NLGN1: variants seen among roughly 807,000 people sequenced by gnomAD.
The protein encoded by NLGN1 is neuroligin-1.
In NLGN1, 12 loss-of-function variants were observed where a neutral mutation model predicts 65.5. The observed-to-expected ratio is 0.18, with a 90% CI of 0.12 to 0.30. The LOEUF (loss-of-function observed/expected upper bound fraction) is 0.30. NLGN1 is among the 10% of genes least tolerant of loss of function. NLGN1 has a pLI of 1.00. For missense variants in NLGN1, 750 were observed against 1,007.1 expected (o/e 0.74, Z 3.46); for synonymous variants, 350 against 359.5 (o/e 0.97, Z 0.30).
At chr3:174,044,134 T>A (rs888374376) in intron 4 of NLGN1, among the ~76,000 whole-genome samples, 1 of 151,428 alleles carries the variant, frequency 6.6e-6, no homozygotes, top group African/African-American at 2.4e-5. Context: ...GGGCATCAAG[T>A]CCTGAGACTA....
intron 4 of NLGN1, among the ~76,000 whole-genome samples, chr3:174,217,360 G>C (rs530707430): frequency 1.3e-5 from 2 of 152,104 alleles, no homozygotes; most frequent in African/African-American, 4.8e-5. Context: ...GTAATGGGCT[G>C]TCCTAGTCAG....
chr3:173,734,297 CTG>C (rs1773356501), intron 3 of NLGN1, among the ~76,000 whole-genome samples: 1 of 148,502 alleles, frequency 6.7e-6, no homozygotes, highest in Admixed American at 6.7e-5. Context: ...ATAATAAACA[CTG>C]TATATTCCTA....
intron 4 of NLGN1, among the ~76,000 whole-genome samples, chr3:174,026,463 A>G (rs929987792): frequency 1.4e-4 from 21 of 152,184 alleles, no homozygotes; most frequent in African/African-American, 4.8e-4. Context: ...CTACATATAC[A>G]TAGAGTCATA....
At chr3:174,088,057 G>A (rs1743755731) in intron 4 of NLGN1, among the ~76,000 whole-genome samples, 1 of 152,186 alleles carries the variant, frequency 6.6e-6, no homozygotes, top group African/African-American at 2.4e-5. Context: ...GCGTATATAT[G>A]CTAATATTAC....
chr3:174,167,066 AG>A (rs922178222), intron 4 of NLGN1, among the ~76,000 whole-genome samples: 1 of 152,006 alleles, frequency 6.6e-6, no homozygotes, highest in Non-Finnish European at 1.5e-5. Flanking sequence ...CATTGAGTCC[AG>A]GGGTTGTCAT....
rs1740765723 is a variant in NLGN1, at chr3:173,551,016, T to TTTC, written c.-320-53261_-320-53259dup. On this transcript the variant is annotated intron_variant, in intron 2 of 6. Transcript: ENST00000457714. ...AAATATTTTTACAAATCTAAGCAGA[T>TTTC]TTCTGCCTTTACTGCATTATCACCT... 2.0e-5 allele frequency among the ~76,000 whole-genome samples: 3 copies of TTTC among 152,206 alleles called. No individual in the cohort carries two copies. In the South Asian group the frequency reaches 6.2e-4, roughly 31 times the overall value.
intron 4 of NLGN1, among the ~76,000 whole-genome samples, chr3:174,049,109 G>A (rs1338076509): frequency 6.6e-6 from 1 of 151,998 alleles, no homozygotes; most frequent in Non-Finnish European, 1.5e-5. Context: ...AAAGAAGGGA[G>A]GAGGAGTAAA....
intron 1 of NLGN1, among the ~76,000 whole-genome samples, chr3:173,410,455 A>T (rs955578234): frequency 6.6e-6 from 1 of 152,178 alleles, no homozygotes; most frequent in African/African-American, 2.4e-5. Context: ...GTCCTTCTTT[A>T]TTCACCTGGA....
chr3:173,521,241 A>T (rs1486686834), intron 2 of NLGN1, among the ~76,000 whole-genome samples: 1 of 152,226 alleles, frequency 6.6e-6, no homozygotes. Context: ...TTGGTATTTC[A>T]TAAGTGAAGG....
intron 4 of NLGN1, among the ~76,000 whole-genome samples, chr3:173,894,633 C>CTTTTTTTTTTTTTTTT (rs3979634): frequency 7.5e-6 from 1 of 134,172 alleles, no homozygotes; most frequent in Non-Finnish European, 1.6e-5. Flanking sequence ...TTTTCTTTTT[C>CTTTTTTTTTTTTTTTT]TTTTTTTTTT....
At chr3:174,260,264 A>G (rs1402026413) in intron 4 of NLGN1, among the ~76,000 whole-genome samples, 1 of 149,226 alleles carries the variant, frequency 6.7e-6, no homozygotes, top group African/African-American at 2.5e-5. Flanking sequence ...CGCCACACTG[A>G]CTTCCACAAT....
intron 2 of NLGN1, among the ~76,000 whole-genome samples, chr3:173,512,432 C>T (rs948924312): frequency 8.5e-5 from 13 of 152,132 alleles, no homozygotes; most frequent in Admixed American, 3.3e-4. Context: ...AGTCAAGCCA[C>T]CTCTCTCCGA....
At chr3:173,602,977 A>G (rs902937570) in intron 2 of NLGN1, among the ~76,000 whole-genome samples, 3 of 152,126 alleles carry the variant, frequency 2.0e-5, no homozygotes, top group African/African-American at 7.2e-5. Context: ...ATTTTCAAGG[A>G]AAGACATTTA....
At chr3:173,848,750 T>C (rs1416353571) in intron 4 of NLGN1, among the ~76,000 whole-genome samples, 2 of 152,220 alleles carry the variant, frequency 1.3e-5, no homozygotes, top group Non-Finnish European at 2.9e-5. Flanking sequence ...ATTTTTCTTC[T>C]ATTTTTGATG....
At chr3:173,773,260 T>C (rs1779844828) in intron 3 of NLGN1, among the ~76,000 whole-genome samples, 1 of 152,094 alleles carries the variant, frequency 6.6e-6, no homozygotes, top group Non-Finnish European at 1.5e-5. Flanking sequence ...TTTATCTCCC[T>C]CCCTCTGTGG....
chr3:174,271,643 CCAGAT>C (rs947195106), intron 4 of NLGN1, among the ~76,000 whole-genome samples: 1 of 151,686 alleles, frequency 6.6e-6, no homozygotes, highest in African/African-American at 2.4e-5. Flanking sequence ...ACTCTAGTTG[CCAGAT>C]CAGGTAAACA....
intron 2 of NLGN1, among the ~76,000 whole-genome samples, chr3:173,478,586 A>G (rs9855520): frequency 0.011 from 1,616 of 152,314 alleles, 29 homozygotes; most frequent in African/African-American, 0.037. Context: ...ACAATGAACA[A>G]TGTCATGTAT....
chr3:174,040,866 A>G (rs562592837), intron 4 of NLGN1, among the ~76,000 whole-genome samples: 5 of 152,236 alleles, frequency 3.3e-5, no homozygotes, highest in African/African-American at 7.2e-5. Context: ...TTATTCATCA[A>G]TTTGTTTTAT....
At chr3:174,108,137 A>T (rs1277500917) in intron 4 of NLGN1, among the ~76,000 whole-genome samples, 1 of 152,078 alleles carries the variant, frequency 6.6e-6, no homozygotes, top group Non-Finnish European at 1.5e-5. Context: ...ATTTTTTAAA[A>T]TTTTGATAAA....
Sources: allele counts gnomAD v4.1 joint callset (sites outside exome capture counted in the v4.1 genomes callset), GRCh38; gene constraint gnomAD v4.1.1; transcripts MANE v1.5; gene names NCBI Gene and HGNC (gene_info 2026-07-23, HGNC 2026-07-21).